The following EPHA6 variants were observed in gnomAD, a reference collection of about 807,000 sequenced individuals.
EPHA6 encodes ephrin type-A receptor 6.
A neutral mutation model predicts 112.0 loss-of-function variants in EPHA6; 50 were observed. The ratio of observed to expected loss-of-function variants is 0.45; its 90% CI spans 0.36 to 0.56. The LOEUF (loss-of-function observed/expected upper bound fraction) is 0.56, where lower values mean the gene tolerates loss of function less well. Among genes scored for constraint, EPHA6 ranks in the 20% least tolerant of loss-of-function variants. The pLI, the probability that EPHA6 is intolerant of heterozygous loss-of-function variation, is 0.00. For synonymous variants in EPHA6, 529 were observed against 490.7 expected (o/e 1.08, Z -1.03); for missense variants, 1,280 against 1,417.4 (o/e 0.90, Z 1.56).
At chr3:97,648,660 C>G in intron 14 of EPHA6, 4 of 1,067,592 alleles carry the variant, frequency 3.7e-6, no homozygotes, top group Non-Finnish European at 3.4e-6. Context: ...AAAACATACT[C>G]AGAACTTTCA....
chr3:96,838,843 T>C (rs2107313377), intron 1 of EPHA6, among the ~76,000 whole-genome samples: 1 of 152,190 alleles, frequency 6.6e-6, no homozygotes, highest in South Asian at 2.1e-4. Flanking sequence ...CCTCCCCCAA[T>C]AAATATAATG....
intron 5 of EPHA6, among the ~76,000 whole-genome samples, chr3:97,317,808 C>G (rs2081917868): frequency 6.6e-6 from 1 of 151,882 alleles, no homozygotes; most frequent in Admixed American, 6.6e-5. Context: ...GCTGGGCATT[C>G]CCAGTGCACA....
chr3:97,685,871 A>T (rs916514078), intron 14 of EPHA6, among the ~76,000 whole-genome samples: 6 of 152,204 alleles, frequency 3.9e-5, no homozygotes, highest in Non-Finnish European at 8.8e-5. Context: ...ACAATAATCA[A>T]ATGCAAATCT....
At chr3:96,820,589 T>C in intron 1 of EPHA6, among the ~76,000 whole-genome samples, 1 of 152,104 alleles carries the variant, frequency 6.6e-6, no homozygotes, top group East Asian at 1.9e-4. Flanking sequence ...TAAATATTGA[T>C]AATTGCAAGG....
chr3:97,071,558 C>A (rs546083893), intron 3 of EPHA6, among the ~76,000 whole-genome samples: 79 of 152,024 alleles, frequency 5.2e-4, no homozygotes, highest in Non-Finnish European at 9.6e-4. Flanking sequence ...CCCTGATAAA[C>A]CCAGCAGATC....
At chr3:97,153,676 A>C (rs2108381466) in intron 3 of EPHA6, among the ~76,000 whole-genome samples, 1 of 152,216 alleles carries the variant, frequency 6.6e-6, no homozygotes, top group Non-Finnish European at 1.5e-5. Flanking sequence ...TATCTAATAA[A>C]ATGTTATTTA....
chr3:96,913,089 G>C lies in EPHA6; in HGVS notation c.450+46200G>C, dbSNP rs147704911. 6.6e-4 allele frequency among the ~76,000 whole-genome samples: 100 copies of C among 151,496 alleles called. 1 individual carries two copies. Among genetic ancestry groups the C allele is most frequent in the Non-Finnish European group, 1.2e-3 (84 of 67,898 alleles). On this transcript the variant is annotated intron_variant, in intron 2 of 17. Transcript: ENST00000389672. Reference sequence around the variant, plus strand: ...CATACCTGTAATCACAGTACTTTGGGAGGCTAAGGCAAGAGGATCACTTGA... The same window carrying C: ...CATACCTGTAATCACAGTACTTTGGCAGGCTAAGGCAAGAGGATCACTTGA...
At chr3:97,595,470 G>A (rs969328274) in intron 12 of EPHA6, among the ~76,000 whole-genome samples, 21 of 151,930 alleles carry the variant, frequency 1.4e-4, no homozygotes, top group African/African-American at 5.1e-4. Context: ...ATGGTGAGTC[G>A]CCATCTCTAC....
chr3:96,853,337 G>T (rs1038965744), intron 1 of EPHA6, among the ~76,000 whole-genome samples: 1 of 152,012 alleles, frequency 6.6e-6, no homozygotes, highest in African/African-American at 2.4e-5. Flanking sequence ...ACTTCAAGAT[G>T]GAAGTGTCTA....
At chr3:97,471,427 C>T (rs2091225094) in intron 7 of EPHA6, among the ~76,000 whole-genome samples, 2 of 151,568 alleles carry the variant, frequency 1.3e-5, no homozygotes, top group South Asian at 4.2e-4. Flanking sequence ...CACTGTATAC[C>T]CTGTGTCTAT....
intron 2 of EPHA6, among the ~76,000 whole-genome samples, chr3:96,942,731 G>A (rs551654724): frequency 1.3e-5 from 2 of 152,322 alleles, no homozygotes; most frequent in East Asian, 3.9e-4. Flanking sequence ...GTAGACCGGA[G>A]CTGTTCCTAT....
At chr3:97,331,765 C>A (rs1272610943) in intron 5 of EPHA6, among the ~76,000 whole-genome samples, 2 of 152,044 alleles carry the variant, frequency 1.3e-5, no homozygotes, top group African/African-American at 4.8e-5. Flanking sequence ...AGCTTACCAA[C>A]CAAAAAAAGT....
At chr3:96,832,935 C>T (rs116673899) in intron 1 of EPHA6, among the ~76,000 whole-genome samples, 3,437 of 151,896 alleles carry the variant, frequency 0.023, 136 homozygotes, top group African/African-American at 0.079. Flanking sequence ...ATGTAATCCT[C>T]ACAACCCTTT....
chr3:97,643,863 A>T (rs1576181561), intron 14 of EPHA6, among the ~76,000 whole-genome samples: 1 of 150,932 alleles, frequency 6.6e-6, no homozygotes, highest in African/African-American at 2.4e-5. Context: ...CCCACTGTCA[A>T]CATTAGACAG....
chr3:97,062,174 C>T (rs575055917), intron 3 of EPHA6, among the ~76,000 whole-genome samples: 6 of 152,042 alleles, frequency 3.9e-5, no homozygotes, highest in Non-Finnish European at 5.9e-5. Flanking sequence ...TATAATATAA[C>T]ATGTTTAGGA....
chr3:97,547,142 T>C (rs2092962561), intron 11 of EPHA6, among the ~76,000 whole-genome samples: 1 of 152,226 alleles, frequency 6.6e-6, no homozygotes, highest in African/African-American at 2.4e-5. Flanking sequence ...AGAGGTGCTC[T>C]GCTTTTTAGA....
intron 10 of EPHA6, among the ~76,000 whole-genome samples, chr3:97,504,746 T>C (rs1398756401): frequency 6.6e-6 from 1 of 152,198 alleles, no homozygotes; most frequent in Non-Finnish European, 1.5e-5. Flanking sequence ...ATCCTTCTAA[T>C]CTATTTCCTA....
intron 3 of EPHA6, among the ~76,000 whole-genome samples, chr3:97,068,317 A>C (rs2108148548): frequency 6.6e-6 from 1 of 152,190 alleles, no homozygotes; most frequent in East Asian, 1.9e-4. Flanking sequence ...TAAACGACGG[A>C]ACAAGGATCA....
chr3:97,608,893 C>T (rs941127755), intron 12 of EPHA6, among the ~76,000 whole-genome samples: 1 of 151,308 alleles, frequency 6.6e-6, no homozygotes, highest in African/African-American at 2.4e-5. Flanking sequence ...AGATCTCAAA[C>T]TCTGAGACAG....
Sources: allele counts gnomAD v4.1 joint callset (sites outside exome capture counted in the v4.1 genomes callset), GRCh38; gene constraint gnomAD v4.1.1; transcripts MANE v1.5; gene names NCBI Gene and HGNC (gene_info 2026-07-23, HGNC 2026-07-21).